CUBN: variants seen among roughly 807,000 people sequenced by gnomAD.
CUBN encodes the protein 460 kDa receptor.
CUBN carries 282 observed loss-of-function variants against 405.3 expected under a neutral mutation model. That is an observed-to-expected ratio of 0.70 (90% CI 0.63 to 0.77). The LOEUF (loss-of-function observed/expected upper bound fraction) is 0.77. CUBN is among the 30% of genes least tolerant of loss of function. The probability of loss-of-function intolerance (pLI) is 0.00; values close to 1 mark genes in which losing one functional copy is unlikely to be tolerated. For synonymous variants in CUBN, 1,684 were observed against 1,617.0 expected (o/e 1.04, Z -0.99); for missense variants, 4,514 against 4,475.2 (o/e 1.01, Z -0.25).
chr10:16,913,248 T>C (rs2131451563), intron 48 of CUBN, among the ~76,000 whole-genome samples: 1 of 152,360 alleles, frequency 6.6e-6, no homozygotes, highest in South Asian at 2.1e-4. Context: ...CACATATGTG[T>C]GCACAGCACT....
chr10:16,990,209 G>A (rs1833540882), intron 29 of CUBN, 125 bp downstream of exon 29: 6 of 942,774 alleles, frequency 6.4e-6, no homozygotes, highest in Non-Finnish European at 1.0e-5. Context: ...AAGGGCTGAT[G>A]CTCATTAAAA....
chr10:16,868,439 G>T (rs1446740549), intron 59 of CUBN, among the ~76,000 whole-genome samples: 1 of 152,150 alleles, frequency 6.6e-6, no homozygotes, highest in Admixed American at 6.5e-5. Flanking sequence ...AAACTGCCTG[G>T]ATTTTTCTGA....
chr10:16,892,534 C>T (rs190770853), intron 54 of CUBN, among the ~76,000 whole-genome samples: 1 of 152,240 alleles, frequency 6.6e-6, no homozygotes, highest in African/African-American at 2.4e-5. Flanking sequence ...CACTCTCACT[C>T]AGGCTGGAGC....
chr10:16,842,450 G>A (rs1477205000), intron 60 of CUBN, among the ~76,000 whole-genome samples: 2 of 152,028 alleles, frequency 1.3e-5, no homozygotes, highest in African/African-American at 4.8e-5. Flanking sequence ...TCCCAAAACT[G>A]TTCTCCCAGA....
intron 14 of CUBN, among the ~76,000 whole-genome samples, chr10:17,096,653 G>C (rs114277356): frequency 0.018 from 2,781 of 152,072 alleles, 92 homozygotes; most frequent in African/African-American, 0.062. Flanking sequence ...TTACCAACTT[G>C]ACTAAGTTAA....
chr10:16,984,354 G>T, intron 29 of CUBN, 75 bp from the exon 30 acceptor site: 1 of 1,372,538 alleles, frequency 7.3e-7, no homozygotes. Context: ...GGCTCATTTT[G>T]ACCCCCGGCT....
chr10:17,064,782 T>C (rs573990924), intron 22 of CUBN, among the ~76,000 whole-genome samples: 3 of 152,274 alleles, frequency 2.0e-5, no homozygotes, highest in Admixed American at 6.5e-5. Flanking sequence ...TTGTTTCCTA[T>C]ACTTCATTTG....
At chr10:17,111,133 C>T (rs1836763190) in intron 8 of CUBN, 83 bp from the exon 9 acceptor site, 1 of 1,432,140 alleles carries the variant, frequency 7.0e-7, no homozygotes, top group African/African-American at 1.4e-5. Context: ...CATATAAAAA[C>T]CTTCTCCACC....
intron 6 of CUBN, among the ~76,000 whole-genome samples, chr10:17,117,571 G>T (rs1389648210): frequency 6.6e-6 from 1 of 152,056 alleles, no homozygotes; most frequent in African/African-American, 2.4e-5. Flanking sequence ...GTAGAGATGG[G>T]TTTTCACCAT....
At chr10:16,878,772 G>T (rs1248789052) in intron 56 of CUBN, among the ~76,000 whole-genome samples, 2 of 152,140 alleles carry the variant, frequency 1.3e-5, no homozygotes, top group African/African-American at 4.8e-5. Flanking sequence ...CCGCCTCTAT[G>T]GATTTGTCTA....
rs1042303233 is a variant in CUBN, at chr10:16,918,484, A to G, written c.7000+138T>C. ...GGGAGAAGGGAGAAGAGCAGAAAAA[A>G]TAACTATTAGGTACTAGGCATAGTA... On this transcript the variant is annotated intron_variant, in intron 45 of 66. Transcript: ENST00000377833. 111 of 631,864 alleles carry G rather than the reference A, an allele frequency of 1.8e-4. No individual in the cohort carries two copies. The African/African-American group carries it at 1.8e-3, about 10-fold the overall frequency. 39.1% of individuals were successfully genotyped at this position (631,864 alleles called of 1,614,324 possible).
intron 53 of CUBN, 117 bp downstream of exon 53, chr10:16,900,508 A>T: frequency 1.2e-6 from 1 of 819,242 alleles, no homozygotes; most frequent in South Asian, 1.4e-5. Flanking sequence ...GCATGAGATG[A>T]CATGTGCAAA....
intron 66 of CUBN, among the ~76,000 whole-genome samples, chr10:16,827,999 C>A (rs1838841235): frequency 6.6e-6 from 1 of 152,198 alleles, no homozygotes; most frequent in African/African-American, 2.4e-5. Flanking sequence ...GATATCAGAG[C>A]TTTACAAAAA....
chr10:16,829,354 A>AAAC (rs1838901944), intron 65 of CUBN, among the ~76,000 whole-genome samples: 3 of 150,622 alleles, frequency 2.0e-5, no homozygotes, highest in Admixed American at 6.6e-5. Context: ...AAAAAAAAAA[A>AAAC]AAAACAAACT....
chr10:17,072,017 T>TA (rs1835751286), intron 17 of CUBN, 46 bp from the exon 18 acceptor site: 1 of 1,520,380 alleles, frequency 6.6e-7, no homozygotes, highest in African/African-American at 1.4e-5. Flanking sequence ...TAAAGAAACT[T>TA]ACGTCGGCAA....
chr10:17,119,136 A>G (rs1836973202), intron 6 of CUBN, among the ~76,000 whole-genome samples: 1 of 152,248 alleles, frequency 6.6e-6, no homozygotes, highest in Non-Finnish European at 1.5e-5. Context: ...CTACCACCTG[A>G]GCTAAAACTA....
chr10:17,080,632 A>G (rs776674044), intron 17 of CUBN, among the ~76,000 whole-genome samples: 3 of 152,156 alleles, frequency 2.0e-5, no homozygotes, highest in Non-Finnish European at 4.4e-5. Context: ...TGGGTGAACA[A>G]TTCTACTCAT....
chr10:17,036,663 C>T (rs1025240767), intron 27 of CUBN, among the ~76,000 whole-genome samples: 6 of 151,872 alleles, frequency 4.0e-5, no homozygotes, highest in Non-Finnish European at 8.8e-5. Context: ...TCTAGAATCT[C>T]GTAGATCAGT....
intron 24 of CUBN, 38 bp downstream of exon 24, chr10:17,045,896 T>A (rs377169664): frequency 5.6e-6 from 9 of 1,607,586 alleles, no homozygotes; most frequent in African/African-American, 2.7e-5. Flanking sequence ...ACCAATCAGA[T>A]TGGCTTCTCC....
Sources: allele counts gnomAD v4.1 joint callset (sites outside exome capture counted in the v4.1 genomes callset), GRCh38; gene constraint gnomAD v4.1.1; transcripts MANE v1.5; gene names NCBI Gene and HGNC (gene_info 2026-07-23, HGNC 2026-07-21).